The following OLFM2 variants were observed in gnomAD, a reference collection of about 807,000 sequenced individuals.
OLFM2 encodes olfactomedin 2, also known as noelin-2.
OLFM2 carries 20 observed loss-of-function variants against 43.9 expected under a neutral mutation model. That is an observed-to-expected ratio of 0.46 (90% CI 0.32 to 0.66). The LOEUF (loss-of-function observed/expected upper bound fraction) is 0.66, where lower values mean the gene tolerates loss of function less well. Among genes scored for constraint, OLFM2 ranks in the 30% least tolerant of loss-of-function variants. OLFM2 has a pLI of 0.04. For missense variants in OLFM2, 416 were observed against 643.6 expected (o/e 0.65, Z 3.83); for synonymous variants, 268 against 278.6 (o/e 0.96, Z 0.38).
At chr19:9,874,960 G>A (rs534137616) in intron 1 of OLFM2, among the ~76,000 whole-genome samples, 49 of 152,248 alleles carry the variant, frequency 3.2e-4, no homozygotes, top group African/African-American at 1.2e-3. Flanking sequence ...TTTGCTGGAC[G>A]TTTCCCCAGC....
Position 9,857,432 on chromosome 19 carries a change from C to G in OLFM2, c.411G>C (p.Glu137Asp). ...TELLPLSSVL[E>D]QYKADTRTIV... ...TGGTCCGCGTGTCTGCCTTGTACTG[C>G]TCCAGGACCGAGCTCAGGGGCAACA... The change falls in exon 4 of 6, where the codon GAG (glutamate) becomes GAC (aspartate). Residue 137 changes from glutamate (E) to aspartate (D), a missense_variant. Glu to Asp is a conservative substitution (Grantham distance 45). Coordinates refer to ENST00000264833, the MANE Select transcript of OLFM2 (RefSeq NM_058164.4). This position sits in a 1 kb window ranked among gnomAD's most constrained non-coding sequence, Gnocchi z 5.7. The G allele has an allele frequency of 6.2e-7, 1 of 1,614,140 alleles. No homozygotes were observed. Among genetic ancestry groups the G allele is most frequent in the Non-Finnish European group, 8.5e-7 (1 of 1,180,034 alleles).
At chr19:9,885,450 G>T (rs546425324) in intron 1 of OLFM2, among the ~76,000 whole-genome samples, 1 of 152,164 alleles carries the variant, frequency 6.6e-6, no homozygotes, top group Non-Finnish European at 1.5e-5. Flanking sequence ...GGGGGAGTGT[G>T]GGAGATGCTC....
In OLFM2 at chr19:9,854,142, C is replaced by A; in HGVS notation, c.*44G>T. The A allele has an allele frequency of 5.7e-6, 9 of 1,572,582 alleles. No individual in the cohort carries two copies. The highest frequency in any genetic ancestry group is 7.9e-6 in the Non-Finnish European group (9 of 1,144,148). On this transcript the variant is annotated 3_prime_UTR_variant, in exon 6 of 6. Transcript: ENST00000264833. The surrounding 1 kb of genome is among the most constrained non-coding windows in gnomAD (Gnocchi z 9.5). The stretch of plus-strand genomic sequence containing the variant: ...CAGGCAGAATGAAAAGGGCCCCCAG[C>A]CCCCAGAGGCCCCCCAGGCAGCAGC...
At chr19:9,909,395 C>G (rs2046810266) in intron 1 of OLFM2, among the ~76,000 whole-genome samples, 1 of 152,164 alleles carries the variant, frequency 6.6e-6, no homozygotes, top group Non-Finnish European at 1.5e-5. Flanking sequence ...AGAAGCCATT[C>G]CGCTGAAGGC....
intron 1 of OLFM2, among the ~76,000 whole-genome samples, chr19:9,865,329 C>T (rs1416363101): frequency 1.3e-5 from 2 of 151,520 alleles, no homozygotes; most frequent in African/African-American, 2.4e-5. Context: ...GTCTCACCAT[C>T]GCACCTACTA....
At chr19:9,926,444 C>T (rs1345259802) in intron 1 of OLFM2, among the ~76,000 whole-genome samples, 1 of 151,012 alleles carries the variant, frequency 6.6e-6, no homozygotes, top group Non-Finnish European at 1.5e-5. Context: ...CCCAGCTATT[C>T]CGGAGGCTGA....
rs1389702919 is a variant in OLFM2, at chr19:9,936,511, G to A, written c.-145C>T. On this transcript the variant is annotated 5_prime_UTR_variant, in exon 1 of 6. Transcript: ENST00000264833. ...CCGCCTCGCCGGCGGCCGGGATTCC[G>A]CCCCACCCCCGCCCCCTCGCTCGCT... 3.4e-5 allele frequency: 13 copies of A among 383,970 alleles called. No individual in the cohort carries two copies. Among genetic ancestry groups the A allele is most frequent in the Non-Finnish European group, 3.5e-5 (10 of 283,236 alleles). The allele number at this position is 383,970 out of a possible 1,614,324, so 23.8% of individuals were successfully genotyped here. A position where few individuals can be genotyped will look rare whatever the true frequency, so the allele number is the denominator to read the frequency against.
intron 1 of OLFM2, among the ~76,000 whole-genome samples, chr19:9,888,164 C>T (rs114759565): frequency 0.022 from 3,389 of 152,204 alleles, 122 homozygotes; most frequent in African/African-American, 0.077. Flanking sequence ...CACTGGCTAT[C>T]CCCTCTGCCT....
intron 1 of OLFM2, among the ~76,000 whole-genome samples, chr19:9,880,549 A>T (rs1455012114): frequency 6.6e-6 from 1 of 152,064 alleles, no homozygotes; most frequent in Non-Finnish European, 1.5e-5. Flanking sequence ...GTGAGCTGTG[A>T]TCACACCACT....
chr19:9,903,311 T>C (rs950069612), intron 1 of OLFM2, among the ~76,000 whole-genome samples: 1 of 152,212 alleles, frequency 6.6e-6, no homozygotes, highest in Admixed American at 6.5e-5. Context: ...AACGCCTCCC[T>C]GTGAACACCC....
chr19:9,867,104 C>T (rs2046407512), intron 1 of OLFM2, among the ~76,000 whole-genome samples: 1 of 152,166 alleles, frequency 6.6e-6, no homozygotes, highest in Admixed American at 6.6e-5. Flanking sequence ...GGCATGGTGG[C>T]TCACGCCTGT....
chr19:9,913,600 G>C, intron 1 of OLFM2: 2 of 1,307,530 alleles, frequency 1.5e-6, no homozygotes, highest in African/African-American at 1.6e-5. Context: ...CCCCGATCTT[G>C]AGCAGCGGCA....
chr19:9,858,375 G>T (rs1439480476), intron 2 of OLFM2, among the ~76,000 whole-genome samples: 1 of 151,942 alleles, frequency 6.6e-6, no homozygotes, highest in African/African-American at 2.4e-5. Context: ...CATCCTTCAG[G>T]GTTCAGCTCC....
intron 1 of OLFM2, among the ~76,000 whole-genome samples, chr19:9,894,379 T>TAAC (rs2046663710): frequency 1.4e-5 from 1 of 70,290 alleles, no homozygotes; most frequent in Admixed American, 2.0e-4. Flanking sequence ...TCTCTCTCAA[T>TAAC]AATAATAATA....
At chr19:9,893,533 G>A (rs1487773558) in intron 1 of OLFM2, among the ~76,000 whole-genome samples, 1 of 144,904 alleles carries the variant, frequency 6.9e-6, no homozygotes, top group Non-Finnish European at 1.5e-5. Context: ...TGAACCCCCC[G>A]TCTTGGAACC....
chr19:9,896,091 A>ATTTTTTTTTT (rs71188854), intron 1 of OLFM2, among the ~76,000 whole-genome samples: 3 of 95,782 alleles, frequency 3.1e-5, no homozygotes, highest in African/African-American at 4.0e-5. Flanking sequence ...CTTTATTTTA[A>ATTTTTTTTTT]TTTTTTTTTT....
chr19:9,891,646 T>C (rs530661196), intron 1 of OLFM2, among the ~76,000 whole-genome samples: 30 of 150,822 alleles, frequency 2.0e-4, no homozygotes, highest in Admixed American at 1.3e-4. Context: ...CATGTTGGTA[T>C]GAAGCCTCCA....
chr19:9,920,829 C>G (rs112579548), intron 1 of OLFM2, among the ~76,000 whole-genome samples: 2,092 of 151,062 alleles, frequency 0.014, 42 homozygotes, highest in African/African-American at 0.049. Flanking sequence ...GTTATTTGAA[C>G]CTGGGAGGCA....
intron 1 of OLFM2, among the ~76,000 whole-genome samples, chr19:9,875,815 G>C (rs1266340728): frequency 6.6e-6 from 1 of 151,956 alleles, no homozygotes; most frequent in Non-Finnish European, 1.5e-5. Context: ...GCCTGAATTA[G>C]CAGTTTTATT....
Sources: allele counts gnomAD v4.1 joint callset (sites outside exome capture counted in the v4.1 genomes callset), GRCh38; gene constraint gnomAD v4.1.1; non-coding constraint Gnocchi (gnomAD v3.1); transcripts MANE v1.5; gene names NCBI Gene and HGNC (gene_info 2026-07-23, HGNC 2026-07-21).